The following CMPK1 variants were observed in gnomAD, a reference collection of about 807,000 sequenced individuals.
CMPK1 encodes the protein cytidine/uridine monophosphate kinase 1, also known as UMP-CMP kinase.
A neutral mutation model predicts 25.7 loss-of-function variants in CMPK1; 10 were observed. The observed-to-expected ratio is 0.39, with a 90% CI of 0.24 to 0.66. CMPK1 has a LOEUF of 0.66. CMPK1 is among the 30% of genes least tolerant of loss of function. The pLI is 0.48. For synonymous variants in CMPK1, 106 were observed against 101.5 expected (o/e 1.04, Z -0.27); for missense variants, 199 against 280.5 (o/e 0.71, Z 2.08).
intron 1 of CMPK1, among the ~76,000 whole-genome samples, chr1:47,357,209 T>C (rs528252614): frequency 2.7e-4 from 41 of 151,632 alleles, no homozygotes; most frequent in African/African-American, 9.4e-4. Flanking sequence ...GTGATCTGCC[T>C]GCCTCGGCCT....
intron 5 of CMPK1, among the ~76,000 whole-genome samples, chr1:47,376,464 C>T (rs1646709061): frequency 6.6e-6 from 1 of 151,856 alleles, no homozygotes; most frequent in African/African-American, 2.4e-5. Flanking sequence ...TACAGGTGCC[C>T]GCCACCACGC....
chr1:47,346,917 G>A lies in CMPK1; in HGVS notation c.171+12801G>A, dbSNP rs74820351. 5.2e-3 allele frequency among the ~76,000 whole-genome samples: 783 copies of A among 149,192 alleles called. 2 individuals are homozygous for A. The highest frequency in any genetic ancestry group is 0.03 in the East Asian group (151 of 4,996). On this transcript the variant is annotated intron_variant, in intron 1 of 5. Transcript: ENST00000371873. ...TCCTGCCTTAGCCTCCCAAATAACT[G>A]GGATTACAGGCGCCCGCCACCATAC...
At chr1:47,340,843 G>T (rs928828711) in intron 1 of CMPK1, among the ~76,000 whole-genome samples, 2 of 152,046 alleles carry the variant, frequency 1.3e-5, no homozygotes, top group Non-Finnish European at 2.9e-5. Context: ...CTCCATGTTG[G>T]TCAGGCTGGT....
Position 47,374,879 on chromosome 1 carries a change from T to A in CMPK1, c.472-30T>A, listed in dbSNP as rs1646697360. 2.6e-6 allele frequency: 4 copies of A among 1,532,954 alleles called. No individual in the cohort carries two copies. The East Asian group carries it at 9.1e-5, about 35-fold the overall frequency. The allele number at this position is 1,532,954 out of a possible 1,614,324, so 95.0% of individuals were successfully genotyped here. A position where few individuals can be genotyped will look rare whatever the true frequency, so the allele number is the denominator to read the frequency against. On this transcript the variant is annotated intron_variant, in intron 3 of 5. Coordinates refer to ENST00000371873, the MANE Select transcript of CMPK1 (RefSeq NM_016308.3). Reference sequence around the variant, plus strand: ...TAAAAGAATGGCAAATTCATATCTATATTTTTAATAACTTTGTATCTCTTT... The same window carrying A: ...TAAAAGAATGGCAAATTCATATCTAAATTTTTAATAACTTTGTATCTCTTT...
chr1:47,333,791 C>T lies in CMPK1; in HGVS notation c.-155C>T, dbSNP rs368225441. ...CGCCGCCGCCGTGCGAAGCTCCTCC[C>T]CTTCCGACAGGGCCGCGGACGCCCG... On this transcript the variant is annotated 5_prime_UTR_variant, in exon 1 of 6. Coordinates refer to ENST00000371873, the MANE Select transcript of CMPK1 (RefSeq NM_016308.3). 10 of 227,066 alleles carry T rather than the reference C, an allele frequency of 4.4e-5. No homozygotes were observed. The highest frequency in any genetic ancestry group is 1.6e-4 in the African/African-American group (7 of 42,912). The allele number at this position is 227,066 out of a possible 1,614,324, so 14.1% of individuals were successfully genotyped here.
rs1040189493 is a variant in CMPK1, at chr1:47,333,879, T to C, written c.-67T>C. On this transcript the variant is annotated 5_prime_UTR_variant, in exon 1 of 6. Coordinates refer to ENST00000371873, the MANE Select transcript of CMPK1 (RefSeq NM_016308.3). ...CAGCCCGCCCCTTTCTCCCGCCGCC[T>C]CCCCGCCCCGCCCCGCGCCGCGCCG... is the stretch of plus-strand genomic sequence containing the variant. The C allele has an allele frequency of 9.1e-7, 1 of 1,102,522 alleles. No individual in the cohort carries two copies. Among genetic ancestry groups the C allele is most frequent in the Non-Finnish European group, 1.1e-6 (1 of 893,946 alleles). 68.3% of individuals were successfully genotyped at this position (1,102,522 alleles called of 1,614,324 possible). A position where few individuals can be genotyped will look rare whatever the true frequency, so the allele number is the denominator to read the frequency against.
intron 1 of CMPK1, among the ~76,000 whole-genome samples, chr1:47,345,534 C>G (rs1467489433): frequency 6.8e-6 from 1 of 146,866 alleles, no homozygotes; most frequent in Non-Finnish European, 1.5e-5. Context: ...CACTCTGTTG[C>G]CCAGGCTGGA....
chr1:47,343,365 G>A (rs536599090), intron 1 of CMPK1, among the ~76,000 whole-genome samples: 3,330 of 151,180 alleles, frequency 0.022, 61 homozygotes, highest in South Asian at 0.042. Flanking sequence ...TGGGAGCCAA[G>A]GCGGGTGGAT....
At chr1:47,365,650 A>AAAAAAAAAAG (rs66993103) in intron 1 of CMPK1, among the ~76,000 whole-genome samples, 3 of 149,692 alleles carry the variant, frequency 2.0e-5, no homozygotes, top group Non-Finnish European at 4.5e-5. Flanking sequence ...AAAAAAAAAA[A>AAAAAAAAAAG]GTGAGAGAAA....
Position 47,377,829 on chromosome 1 carries a change from A to G in CMPK1, c.*1084A>G, listed in dbSNP as rs970410245. 6.6e-6 allele frequency: 1 copy of G among 152,570 alleles called. No homozygotes were observed. The highest frequency in any genetic ancestry group is 1.5e-5 in the Non-Finnish European group (1 of 68,034). 9.5% of individuals were successfully genotyped at this position (152,570 alleles called of 1,614,324 possible). On this transcript the variant is annotated 3_prime_UTR_variant, in exon 6 of 6. Transcript: ENST00000371873. The stretch of plus-strand genomic sequence containing the variant: ...ATTCAGTAGATTTTTGTTTGGCATC[A>G]TGTTGAAGCACCGAAAGATAAATGA...
intron 1 of CMPK1, among the ~76,000 whole-genome samples, chr1:47,349,472 A>G (rs1437339779): frequency 6.6e-6 from 1 of 152,224 alleles, no homozygotes; most frequent in African/African-American, 2.4e-5. Flanking sequence ...GTTAGATAGC[A>G]TATAACCCAA....
In CMPK1 at chr1:47,378,517, C is replaced by T. The variant is rs1646722221; in HGVS notation, c.*1772C>T. 6.6e-6 allele frequency: 1 copy of T among 152,202 alleles called. No homozygotes were observed. Among genetic ancestry groups the T allele is most frequent in the African/African-American group, 2.4e-5 (1 of 41,460 alleles). The allele number at this position is 152,202 out of a possible 1,614,324, so 9.4% of individuals were successfully genotyped here. A position where few individuals can be genotyped will look rare whatever the true frequency, so the allele number is the denominator to read the frequency against. ...TGAGACTAGGTGCTTTGCTTCCTTT[C>T]ATCAGGTATCTTTCTGTGGCATTTG... On this transcript the variant is annotated 3_prime_UTR_variant, in exon 6 of 6. Transcript: ENST00000371873.
intron 1 of CMPK1, among the ~76,000 whole-genome samples, chr1:47,351,170 G>A (rs367558451): frequency 9.9e-5 from 15 of 151,988 alleles, no homozygotes; most frequent in East Asian, 7.8e-4. Context: ...TGCAACCTCC[G>A]CCTCCCAGAT....
At chr1:47,346,402 A>G (rs925397400) in intron 1 of CMPK1, among the ~76,000 whole-genome samples, 5 of 152,108 alleles carry the variant, frequency 3.3e-5, no homozygotes, top group African/African-American at 9.7e-5. Context: ...TGAAATGTAT[A>G]TGCCTGTTGT....
chr1:47,371,268 C>T (rs1171222060), intron 2 of CMPK1, among the ~76,000 whole-genome samples: 9 of 152,106 alleles, frequency 5.9e-5, no homozygotes, highest in Non-Finnish European at 1.2e-4. Flanking sequence ...ATAAACAAAT[C>T]TCTCTCCCTA....
intron 2 of CMPK1, among the ~76,000 whole-genome samples, chr1:47,371,902 G>C (rs1250138182): frequency 1.3e-5 from 2 of 152,070 alleles, no homozygotes; most frequent in Non-Finnish European, 2.9e-5. Flanking sequence ...TTTACTTCCT[G>C]TCTTGGTTAA....
At chr1:47,336,894 TTAAATACAGTA>T (rs1646403020) in intron 1 of CMPK1, among the ~76,000 whole-genome samples, 1 of 152,262 alleles carries the variant, frequency 6.6e-6, no homozygotes, top group Non-Finnish European at 1.5e-5. Context: ...TTGAATGCAT[TTAAATACAGTA>T]TGCTGTTTCT....
At chr1:47,374,043 C>T (rs1646692724) in intron 3 of CMPK1, among the ~76,000 whole-genome samples, 1 of 152,072 alleles carries the variant, frequency 6.6e-6, no homozygotes, top group Admixed American at 6.6e-5. Context: ...GAGAATCTTG[C>T]TGCAGCCTTT....
At chr1:47,345,555 A>G (rs968724942) in intron 1 of CMPK1, among the ~76,000 whole-genome samples, 2 of 141,054 alleles carry the variant, frequency 1.4e-5, no homozygotes, top group Non-Finnish European at 3.1e-5. Context: ...GTGCAGTGGC[A>G]CGATCTTGGC....
Sources: allele counts gnomAD v4.1 joint callset (sites outside exome capture counted in the v4.1 genomes callset), GRCh38; gene constraint gnomAD v4.1.1; transcripts MANE v1.5; gene names NCBI Gene and HGNC (gene_info 2026-07-23, HGNC 2026-07-21).